The following SCLT1 variants were observed in gnomAD, a reference collection of about 807,000 sequenced individuals.
The protein encoded by SCLT1 is sodium channel-associated protein 1.
Under a neutral mutation model 112.8 loss-of-function variants are expected in SCLT1, and 78 were observed. The ratio of observed to expected loss-of-function variants is 0.69; its 90% CI spans 0.58 to 0.83. The LOEUF (loss-of-function observed/expected upper bound fraction) is 0.83. Among genes scored for constraint, SCLT1 ranks in the 40% least tolerant of loss-of-function variants. SCLT1 has a pLI of 0.00. For missense variants in SCLT1, 747 were observed against 770.4 expected (o/e 0.97, Z 0.36); for synonymous variants, 257 against 254.7 (o/e 1.01, Z -0.09).
At chr4:129,019,105 A>C (rs1444083719) in intron 5 of SCLT1, among the ~76,000 whole-genome samples, 1 of 152,180 alleles carries the variant, frequency 6.6e-6, no homozygotes, top group Non-Finnish European at 1.5e-5. Flanking sequence ...AAGAATATAA[A>C]ACAATAAAAC....
At chr4:129,053,222 G>A (rs1026873913) in intron 2 of SCLT1, among the ~76,000 whole-genome samples, 9 of 152,130 alleles carry the variant, frequency 5.9e-5, no homozygotes, top group African/African-American at 1.7e-4. Flanking sequence ...TGGGTGGAGA[G>A]TTCTGTAGAT....
intron 2 of SCLT1, among the ~76,000 whole-genome samples, chr4:129,066,515 TTAAGA>T (rs1156714072): frequency 2.0e-5 from 3 of 152,030 alleles, no homozygotes; most frequent in African/African-American, 7.2e-5. Flanking sequence ...CTAGTAAATC[TTAAGA>T]TAACGCCAAT....
Position 128,997,782 on chromosome 4 carries a change from G to A in SCLT1, c.615+92C>T, listed in dbSNP as rs143467184. 1.8e-4 allele frequency: 106 copies of A among 585,560 alleles called. 1 individual carries two copies. In the Admixed American group the frequency reaches 3.1e-3, roughly 17 times the overall value. 36.3% of individuals were successfully genotyped at this position (585,560 alleles called of 1,614,324 possible). The stretch of plus-strand genomic sequence containing the variant: ...AGAAAAAACAGTATTATCTAATTTC[G>A]TGCAGCATGCTTATTGTTGATTTAT... On this transcript the variant is annotated intron_variant, in intron 8 of 20. Coordinates refer to ENST00000281142, the MANE Select transcript of SCLT1 (RefSeq NM_144643.4).
downstream of SCLT1, among the ~76,000 whole-genome samples, chr4:128,882,391 G>A (rs1041467061): frequency 1.3e-5 from 2 of 152,080 alleles, no homozygotes; most frequent in African/African-American, 2.4e-5. Flanking sequence ...TCTCATCATC[G>A]CATTTGATAC....
At chr4:129,039,208 G>T in intron 4 of SCLT1, 112 bp from the exon 5 acceptor site, 1 of 641,732 alleles carries the variant, frequency 1.6e-6, no homozygotes, top group Non-Finnish European at 2.8e-6. Context: ...AGATAAGAAA[G>T]ACTTATTCTT....
intron 2 of SCLT1, among the ~76,000 whole-genome samples, chr4:129,062,473 T>C (rs1301862793): frequency 6.6e-6 from 1 of 152,140 alleles, no homozygotes; most frequent in African/African-American, 2.4e-5. Context: ...GACTATAAAC[T>C]TACTTTTATC....
At chr4:129,003,334 G>T (rs1743687301) in intron 6 of SCLT1, among the ~76,000 whole-genome samples, 1 of 150,944 alleles carries the variant, frequency 6.6e-6, no homozygotes. Context: ...ACCTAACATA[G>T]ATGATGGGTT....
intron 18 of SCLT1, among the ~76,000 whole-genome samples, chr4:128,931,689 CTT>C (rs1736780932): frequency 6.6e-6 from 1 of 152,168 alleles, no homozygotes; most frequent in South Asian, 2.1e-4. Flanking sequence ...GTCTCGATCT[CTT>C]GACCTCGTGA....
chr4:128,893,908 A>C (rs1302421391), intron 18 of SCLT1, among the ~76,000 whole-genome samples: 1 of 151,994 alleles, frequency 6.6e-6, no homozygotes, highest in East Asian at 1.9e-4. Context: ...TAACTTGCCT[A>C]GGGTCACATA....
chr4:128,946,383 AC>A (rs1282909749), intron 15 of SCLT1, among the ~76,000 whole-genome samples: 4 of 152,170 alleles, frequency 2.6e-5, no homozygotes, highest in South Asian at 4.1e-4. Context: ...AGCCTGGGCA[AC>A]ATAGCAAGAC....
intron 5 of SCLT1, chr4:129,036,826 AAAAT>A (rs1436676820): frequency 6.6e-6 from 1 of 151,780 alleles, no homozygotes; most frequent in Non-Finnish European, 1.5e-5. Flanking sequence ...TAATCAAAAT[AAAAT>A]AAAATTACTA....
intron 5 of SCLT1, among the ~76,000 whole-genome samples, chr4:129,007,854 C>A (rs1238998449): frequency 6.6e-6 from 1 of 152,108 alleles, no homozygotes; most frequent in African/African-American, 2.4e-5. Context: ...GAATTAATTA[C>A]ATTTTATTAT....
intron 13 of SCLT1, among the ~76,000 whole-genome samples, chr4:128,953,869 AAAT>A (rs1738994652): frequency 6.6e-6 from 1 of 151,924 alleles, no homozygotes; most frequent in Admixed American, 6.6e-5. Flanking sequence ...AATACTTTTT[AAAT>A]AATACACACC....
intron 17 of SCLT1, among the ~76,000 whole-genome samples, chr4:128,941,156 C>T (rs1028773536): frequency 6.6e-6 from 1 of 152,106 alleles, no homozygotes; most frequent in African/African-American, 2.4e-5. Flanking sequence ...CTGGGTCCCT[C>T]CCATGACACA....
At position 128,975,740 on chromosome 4, in the gene SCLT1, C is replaced by T. The variant is rs1191196955; in HGVS notation, c.687-5272G>A. On this transcript the variant is annotated intron_variant, in intron 9 of 20. Transcript: ENST00000281142. ...AGTATAATAAAGCCAATCATTTACA[C>T]TTAAAAACTTTAGAAAATCCTGAAA... Among the ~76,000 whole-genome samples the T allele has an allele frequency of 2.0e-5, 3 of 152,134 alleles. No homozygotes were observed. The East Asian group carries it at 5.8e-4, about 29-fold the overall frequency.
chr4:128,966,555 A>T (rs564530694), intron 10 of SCLT1, among the ~76,000 whole-genome samples: 7 of 152,286 alleles, frequency 4.6e-5, no homozygotes, highest in African/African-American at 1.7e-4. Context: ...AAAGATATTA[A>T]GAGAAAAGTA....
chr4:128,908,851 T>G (rs1252571315), intron 18 of SCLT1, among the ~76,000 whole-genome samples: 1 of 152,196 alleles, frequency 6.6e-6, no homozygotes, highest in African/African-American at 2.4e-5. Flanking sequence ...AACCACGTGT[T>G]AAAGAAGGCG....
chr4:128,979,099 G>A (rs1741430622), intron 9 of SCLT1, among the ~76,000 whole-genome samples: 1 of 152,000 alleles, frequency 6.6e-6, no homozygotes, highest in South Asian at 2.1e-4. Flanking sequence ...AAGGGAGGTG[G>A]GCAAAGACAG....
chr4:129,069,116 C>T (rs2125748589), intron 2 of SCLT1, among the ~76,000 whole-genome samples: 1 of 152,242 alleles, frequency 6.6e-6, no homozygotes, highest in African/African-American at 2.4e-5. Context: ...GTTCTCTATT[C>T]CGTTCCATTG....
Sources: allele counts gnomAD v4.1 joint callset (sites outside exome capture counted in the v4.1 genomes callset), GRCh38; gene constraint gnomAD v4.1.1; transcripts MANE v1.5; gene names NCBI Gene and HGNC (gene_info 2026-07-23, HGNC 2026-07-21).